The following BACH1 variants were observed in gnomAD, a reference collection of about 807,000 sequenced individuals.
BACH1 encodes the protein BTB domain and CNC homolog 1.
Under a neutral mutation model 52.9 loss-of-function variants are expected in BACH1, and 35 were observed. The observed-to-expected ratio is 0.66, with a 90% CI of 0.51 to 0.88. BACH1 has a LOEUF of 0.88. Ranked by LOEUF, BACH1 falls within the 40% of genes least tolerant of loss-of-function variation. BACH1 has a pLI of 0.00. For synonymous variants in BACH1, 321 were observed against 319.6 expected, an observed-to-expected ratio of 1.00 and a Z score of -0.05; for missense variants, 808 against 872.6, an observed-to-expected ratio of 0.93 and a Z score of 0.93.
rs972911041 is a variant in BACH1 at position 29,315,754 on chromosome 21, C to A, written c.-60-5467C>A. The stretch of plus-strand genomic sequence containing the variant: ...TTTGAAGACTTACTTCAAATAAATA[C>A]CTTTCCAGATGTCCACATTCCTGTG... On this transcript the variant is annotated intron_variant, in intron 1 of 4. Transcript: ENST00000286800. Among the ~76,000 whole-genome samples the A allele has an allele frequency of 1.4e-4, 22 of 152,240 alleles. No homozygotes were observed. In the South Asian group the frequency reaches 1.4e-3, roughly 10 times the overall value.
chr21:29,351,564 G>A (rs866396152), intron 2 of BACH1: 52 of 527,212 alleles, frequency 9.9e-5, no homozygotes, highest in African/African-American at 7.8e-4. Context: ...TCATTTGAGC[G>A]TTTACTCTGG....
At chr21:29,323,956 A>G (rs1008845177) in intron 2 of BACH1, among the ~76,000 whole-genome samples, 1 of 152,086 alleles carries the variant, frequency 6.6e-6, no homozygotes, top group African/African-American at 2.4e-5. Context: ...ATCCACCACC[A>G]TAGTTAAGAT....
chr21:29,355,042 C>G (rs1260454594), intron 2 of BACH1, among the ~76,000 whole-genome samples: 1 of 152,194 alleles, frequency 6.6e-6, no homozygotes, highest in African/African-American at 2.4e-5. Context: ...GAAAAAGCTT[C>G]CACAGCATGG....
chr21:29,304,570 T>A (rs2088635202), intron 1 of BACH1, among the ~76,000 whole-genome samples: 2 of 152,216 alleles, frequency 1.3e-5, no homozygotes, highest in African/African-American at 4.8e-5. Flanking sequence ...GGTTTTCAAT[T>A]CCTTTGTAGC....
intron 2 of BACH1, among the ~76,000 whole-genome samples, chr21:29,354,456 C>T (rs557702628): frequency 9.9e-5 from 15 of 152,186 alleles, no homozygotes; most frequent in African/African-American, 3.4e-4. Flanking sequence ...TAAGAAACCA[C>T]GGCTGTAGTC....
chr21:29,332,750 G>A (rs1286758335), intron 4 of BACH1, among the ~76,000 whole-genome samples: 1 of 152,228 alleles, frequency 6.6e-6, no homozygotes, highest in African/African-American at 2.4e-5. Flanking sequence ...TCCAGTCAGA[G>A]ACTACTGTTT....
chr21:29,357,499 G>C (rs140714068), intron 2 of BACH1, among the ~76,000 whole-genome samples: 1 of 152,196 alleles, frequency 6.6e-6, no homozygotes, highest in South Asian at 2.1e-4. Context: ...TATCTGAGTA[G>C]GTGGTTGTCT....
In BACH1 at chr21:29,327,004, G is replaced by A. The variant is rs2123448665; in HGVS notation, c.1180G>A (p.Ala394Thr). 1 of 1,614,084 alleles carries A rather than the reference G, an allele frequency of 6.2e-7. No homozygotes were observed. The highest frequency in any genetic ancestry group is 8.5e-7 in the Non-Finnish European group (1 of 1,180,014). Residue 394 changes from alanine (A) to threonine (T), a missense_variant, in exon 3 of 5, where the codon GCA becomes ACA. Transcript: ENST00000286800. Reference sequence around the variant, plus strand: ...TAGGAGTAGTGTGGAGCGAGAAGTGGCAGAACACCTAGCAAAAGGCTTCTG... The same window carrying A: ...TAGGAGTAGTGTGGAGCGAGAAGTGACAGAACACCTAGCAAAAGGCTTCTG... Reference protein sequence around the residue: ...SDRSSVEREVAEHLAKGFWSD... With the variant: ...SDRSSVEREVTEHLAKGFWSD...
intron 4 of BACH1, among the ~76,000 whole-genome samples, chr21:29,336,368 G>A (rs2089043976): frequency 1.3e-5 from 2 of 152,274 alleles, no homozygotes; most frequent in Non-Finnish European, 2.9e-5. Context: ...GCCTAGGGAG[G>A]CAGGAGGTCC....
At chr21:29,314,148 A>T (rs1404255928) in intron 1 of BACH1, among the ~76,000 whole-genome samples, 1 of 152,204 alleles carries the variant, frequency 6.6e-6, no homozygotes, top group Non-Finnish European at 1.5e-5. Context: ...TTAAGCAAAT[A>T]AAAGACTTCA....
At position 29,327,000 on chromosome 21, in the gene BACH1, A is replaced by C. The variant is rs1484039573; in HGVS notation, c.1176A>C (p.Glu392Asp). The C allele has an allele frequency of 6.2e-7, 1 of 1,614,014 alleles. No individual in the cohort carries two copies. The highest frequency in any genetic ancestry group is 1.3e-5 in the African/African-American group (1 of 74,964). Reference protein sequence around the residue: ...ASSDRSSVEREVAEHLAKGFW... With the variant: ...ASSDRSSVERDVAEHLAKGFW... Reference sequence around the variant, plus strand: ...GTGATAGGAGTAGTGTGGAGCGAGAAGTGGCAGAACACCTAGCAAAAGGCT... The same window carrying C: ...GTGATAGGAGTAGTGTGGAGCGAGACGTGGCAGAACACCTAGCAAAAGGCT... Residue 392 changes from glutamate (E) to aspartate (D), a missense_variant, in exon 3 of 5, where the codon GAA becomes GAC. Transcript: ENST00000286800.
intron 1 of BACH1, among the ~76,000 whole-genome samples, chr21:29,307,205 T>G (rs564223717): frequency 6.6e-6 from 1 of 152,332 alleles, no homozygotes; most frequent in African/African-American, 2.4e-5. Context: ...ATCTTCCCTT[T>G]TCTACACACT....
At chr21:29,335,378 T>C (rs1438567184) in intron 4 of BACH1, among the ~76,000 whole-genome samples, 2 of 152,192 alleles carry the variant, frequency 1.3e-5, no homozygotes, top group Admixed American at 6.5e-5. Flanking sequence ...TAAATAAAAG[T>C]GGTTCTCTAT....
chr21:29,315,857 C>T (rs1055079984), intron 1 of BACH1, among the ~76,000 whole-genome samples: 1 of 151,928 alleles, frequency 6.6e-6, no homozygotes, highest in African/African-American at 2.4e-5. Flanking sequence ...AGGTTATGTT[C>T]TTGAAGGGAC....
At chr21:29,333,254 G>A (rs2089005898) in intron 4 of BACH1, among the ~76,000 whole-genome samples, 1 of 152,234 alleles carries the variant, frequency 6.6e-6, no homozygotes, top group Non-Finnish European at 1.5e-5. Context: ...TGGTTGTTGG[G>A]TGATGTTATG....
chr21:29,327,366 C>T lies in BACH1; in HGVS notation c.1542C>T (p.Ser514=), dbSNP rs371330530. 2 of 1,613,682 alleles carry T rather than the reference C, an allele frequency of 1.2e-6. No homozygotes were observed. The highest frequency in any genetic ancestry group is 1.7e-6 in the Non-Finnish European group (2 of 1,179,736). Reference sequence around the variant, plus strand: ...CGGACACCGAAGGAGACAGTGAATCCTGTTCAGCCAGAGAACAAGAATGTG... The same window carrying T: ...CGGACACCGAAGGAGACAGTGAATCTTGTTCAGCCAGAGAACAAGAATGTG... ...SETDTEGDSE[S]CSAREQECEV... is the part of the protein sequence containing the mutation. Residue 514 remains serine (S), a synonymous_variant, in exon 3 of 5, where the codon TCC becomes TCT. Coordinates refer to ENST00000286800, the MANE Select transcript of BACH1 (RefSeq NM_001186.4).
At chr21:29,330,537 CTCTT>C (rs1267960519) in intron 4 of BACH1, among the ~76,000 whole-genome samples, 4 of 152,092 alleles carry the variant, frequency 2.6e-5, no homozygotes, top group Non-Finnish European at 5.9e-5. Flanking sequence ...TAGTTTACTC[CTCTT>C]TCTTTTTTCC....
intron 4 of BACH1, among the ~76,000 whole-genome samples, chr21:29,330,233 C>T (rs899682710): frequency 3.3e-5 from 5 of 152,140 alleles, no homozygotes; most frequent in Non-Finnish European, 5.9e-5. Flanking sequence ...GGTGCGATCT[C>T]GGCTCACTGC....
At chr21:29,351,158 G>A (rs190749084) in intron 2 of BACH1, among the ~76,000 whole-genome samples, 3 of 152,196 alleles carry the variant, frequency 2.0e-5, no homozygotes, top group Non-Finnish European at 4.4e-5. Context: ...TCACTGTCCC[G>A]AAAGTCAGCT....
Sources: allele counts gnomAD v4.1 joint callset (sites outside exome capture counted in the v4.1 genomes callset), GRCh38; gene constraint gnomAD v4.1.1; transcripts MANE v1.5; gene names NCBI Gene and HGNC (gene_info 2026-07-23, HGNC 2026-07-21).